MAF: variants seen among roughly 807,000 people sequenced by gnomAD.
MAF encodes MAF bZIP transcription factor, also known as transcription factor Maf.
MAF carries 10 observed loss-of-function variants against 22.0 expected under a neutral mutation model. The observed-to-expected ratio is 0.45, with a 90% CI of 0.28 to 0.77. The LOEUF is 0.77. Among genes scored for constraint, MAF ranks in the 30% least tolerant of loss-of-function variants. MAF has a pLI of 0.12. For missense variants in MAF, 544 were observed against 548.4 expected, an observed-to-expected ratio of 0.99 and a Z score of 0.08; for synonymous variants, 337 against 255.8, an observed-to-expected ratio of 1.32 and a Z score of -3.03.
At chr16:79,443,443 T>A in the MAF span, among the ~76,000 whole-genome samples, 2,112 of 152,300 alleles carry the variant, frequency 0.014, 138 homozygotes, top group East Asian at 0.18. Context: ...ACAGTCTGGT[T>A]GGATGGCCCA....
At chr16:79,420,192 A>G in the MAF span, among the ~76,000 whole-genome samples, 35 of 152,216 alleles carry the variant, frequency 2.3e-4, no homozygotes, top group African/African-American at 6.5e-4. Context: ...AAGAAAATCA[A>G]TAAGATTGAT....
the MAF span, among the ~76,000 whole-genome samples, chr16:79,488,393 G>C: frequency 6.6e-6 from 1 of 152,076 alleles, no homozygotes; most frequent in African/African-American, 2.4e-5. Context: ...AGACTGCTTG[G>C]GATTGGAGCT....
the MAF span, among the ~76,000 whole-genome samples, chr16:79,548,871 T>C: frequency 6.6e-6 from 1 of 152,136 alleles, no homozygotes; most frequent in Non-Finnish European, 1.5e-5. Context: ...TCTTCTTGCC[T>C]CTGCTCCTTA....
At chr16:79,226,485 C>G in the MAF span, among the ~76,000 whole-genome samples, 4 of 151,906 alleles carry the variant, frequency 2.6e-5, no homozygotes, top group Non-Finnish European at 4.4e-5. Context: ...TATGTAAAAA[C>G]CTGCATGTTC....
the MAF span, among the ~76,000 whole-genome samples, chr16:79,523,105 C>T: frequency 6.6e-6 from 1 of 152,164 alleles, no homozygotes; most frequent in Non-Finnish European, 1.5e-5. Flanking sequence ...GTTTTTCCAT[C>T]TTGAGCTTTT....
chr16:79,408,158 G>C, the MAF span, among the ~76,000 whole-genome samples: 13 of 149,806 alleles, frequency 8.7e-5, no homozygotes, highest in African/African-American at 3.2e-4. Flanking sequence ...AGAAGAACTG[G>C]GCTAACATCG....
intron 1 of MAF, chr16:79,596,529 C>A: frequency 9.5e-7 from 1 of 1,048,478 alleles, no homozygotes; most frequent in South Asian, 4.6e-5. Context: ...CTTGATATAA[C>A]CAGAATTGAA....
chr16:79,267,869 G>C, the MAF span, among the ~76,000 whole-genome samples: 1 of 152,110 alleles, frequency 6.6e-6, no homozygotes, highest in Non-Finnish European at 1.5e-5. Context: ...AGACTAGGAG[G>C]TGGGAGTGAG....
the MAF span, among the ~76,000 whole-genome samples, chr16:79,343,766 G>C: frequency 2.6e-4 from 40 of 152,166 alleles, no homozygotes; most frequent in Admixed American, 2.4e-3. Flanking sequence ...CAGGATGGCA[G>C]ATTTTTCTGT....
the MAF span, among the ~76,000 whole-genome samples, chr16:79,441,716 C>A: frequency 6.6e-6 from 1 of 152,166 alleles, no homozygotes; most frequent in Non-Finnish European, 1.5e-5. Context: ...TATTTGTTTC[C>A]TTCCATAGCA....
chr16:79,410,361 A>G, the MAF span, among the ~76,000 whole-genome samples: 1 of 152,210 alleles, frequency 6.6e-6, no homozygotes, highest in African/African-American at 2.4e-5. Context: ...TTCTTTTGTC[A>G]AAGTTAAATA....
At chr16:79,509,168 G>C in the MAF span, among the ~76,000 whole-genome samples, 1 of 152,154 alleles carries the variant, frequency 6.6e-6, no homozygotes, top group South Asian at 2.1e-4. Context: ...TTGCTGCCTT[G>C]GTGAAACCAT....
chr16:79,232,871 C>T, the MAF span, among the ~76,000 whole-genome samples: 17 of 136,084 alleles, frequency 1.2e-4, no homozygotes, highest in Non-Finnish European at 2.5e-4. Flanking sequence ...GACAGAGTCT[C>T]ACTCTGTCGC....
the MAF span, among the ~76,000 whole-genome samples, chr16:79,373,201 T>C: frequency 6.6e-6 from 1 of 151,990 alleles, no homozygotes; most frequent in Non-Finnish European, 1.5e-5. Context: ...GGTTTGAATG[T>C]TTGTCCTCTC....
chr16:79,409,597 G>A, the MAF span, among the ~76,000 whole-genome samples: 1 of 152,172 alleles, frequency 6.6e-6, no homozygotes. Context: ...TGATTTACAC[G>A]GAGTAGTAAT....
chr16:79,577,657 G>A, the MAF span, among the ~76,000 whole-genome samples: 1 of 152,120 alleles, frequency 6.6e-6, no homozygotes, highest in Admixed American at 6.5e-5. Flanking sequence ...TGCTGGAATA[G>A]CCCTCAAGTG....
At chr16:79,217,522 A>G in the MAF span, among the ~76,000 whole-genome samples, 1 of 152,208 alleles carries the variant, frequency 6.6e-6, no homozygotes, top group Non-Finnish European at 1.5e-5. Flanking sequence ...AGCCTTGCCT[A>G]CATTTCTCAA....
the MAF span, among the ~76,000 whole-genome samples, chr16:79,415,285 G>A: frequency 6.6e-6 from 1 of 151,750 alleles, no homozygotes; most frequent in Non-Finnish European, 1.5e-5. Context: ...AAGGAAGGGA[G>A]GGAGGGAGGG....
the MAF span, among the ~76,000 whole-genome samples, chr16:79,562,363 T>C: frequency 6.6e-6 from 1 of 152,188 alleles, no homozygotes; most frequent in African/African-American, 2.4e-5. Context: ...AGTTTCTTCA[T>C]AGATGATGTG....
Sources: gnomAD v4.1 joint callset for allele counts (sites outside exome capture counted in the v4.1 genomes callset) on GRCh38, gnomAD v4.1.1 for gene constraint, MANE v1.5 for transcripts, NCBI Gene and HGNC (gene_info 2026-07-23, HGNC 2026-07-21) for gene names.